The following LRRN1 variants were observed in gnomAD, a reference collection of about 807,000 sequenced individuals.
LRRN1 encodes leucine-rich repeat neuronal protein 1.
Under a neutral mutation model 45.8 loss-of-function variants are expected in LRRN1, and 14 were observed. The ratio of observed to expected loss-of-function variants is 0.31; its 90% CI spans 0.20 to 0.48. LRRN1 has a LOEUF of 0.48. Among genes scored for constraint, LRRN1 ranks in the 20% least tolerant of loss-of-function variants. The pLI is 0.99. For synonymous variants in LRRN1, 359 were observed against 330.1 expected (o/e 1.09, Z -0.95); for missense variants, 789 against 874.2 (o/e 0.90, Z 1.23).
rs767984661 is a variant in LRRN1, at chr3:3,846,604, A to G, written c.1963A>G (p.Arg655Gly). ...GTCCATTGCTGTGTACTTTGCCAAA[A>G]GATTTAAGAGAAAAAACTACCACCA... ...LASIAVYFAK[R>G]FKRKNYHHSL... is the part of the protein sequence containing the mutation. The change falls in exon 2 of 2, where the codon AGA becomes GGA. Residue 655 changes from arginine to glycine, a missense_variant. By Grantham distance (125) the Arg-to-Gly change is moderately radical (BLOSUM62 -2). Transcript: ENST00000319331. This position sits in a 1 kb window ranked among gnomAD's most constrained non-coding sequence, Gnocchi z 5.7. The G allele has an allele frequency of 1.9e-6, 3 of 1,614,024 alleles. No homozygotes were observed. The highest frequency in any genetic ancestry group is 3.3e-5 in the Admixed American group (2 of 59,970).
Position 3,832,745 on chromosome 3 carries a change from A to G in LRRN1, c.-278-11619A>G, listed in dbSNP as rs1575294814. ...TCCATAAACTGGCTCCAGTCTGGAA[A>G]TTGAGCGGTCATGATTCTCTGTTTT... On this transcript the variant is annotated intron_variant, in intron 1 of 1. Coordinates refer to ENST00000319331, the MANE Select transcript of LRRN1 (RefSeq NM_020873.7). Among the ~76,000 whole-genome samples, 4 of 152,194 alleles carry G rather than the reference A, an allele frequency of 2.6e-5. No homozygotes were observed. In the South Asian group the frequency reaches 8.3e-4, roughly 32 times the overall value.
At chr3:3,833,979 T>C (rs1693428035) in intron 1 of LRRN1, among the ~76,000 whole-genome samples, 1 of 152,144 alleles carries the variant, frequency 6.6e-6, no homozygotes, top group South Asian at 2.1e-4. Context: ...CATGCACCTT[T>C]CATTGCAGGT....
chr3:3,821,084 G>A (rs1328898548), intron 1 of LRRN1, among the ~76,000 whole-genome samples: 5 of 152,302 alleles, frequency 3.3e-5, no homozygotes, highest in Admixed American at 1.3e-4. Context: ...CCCCATCCCA[G>A]ACTTACTGAA....
chr3:3,820,510 G>A (rs929281199), intron 1 of LRRN1, among the ~76,000 whole-genome samples: 1 of 152,156 alleles, frequency 6.6e-6, no homozygotes, highest in African/African-American at 2.4e-5. Flanking sequence ...TAAATAAGGA[G>A]AGCAATGGTG....
rs557887328 is a variant in LRRN1, at chr3:3,809,320, T to A, written c.-279+9401T>A. 4.6e-5 allele frequency among the ~76,000 whole-genome samples: 7 copies of A among 152,226 alleles called. No individual in the cohort carries two copies. In the South Asian group the frequency reaches 1.5e-3, roughly 32 times the overall value. ...CACCATGCCCAGCTAATTTTTGTAT[T>A]TTTAGTAGAGACAGGGTTTCACCAT... On this transcript the variant is annotated intron_variant, in intron 1 of 1. Coordinates refer to ENST00000319331, the MANE Select transcript of LRRN1 (RefSeq NM_020873.7).
rs532423067 is a variant in LRRN1, at chr3:3,842,887, A to G, written c.-278-1477A>G. ...AGAAAAAATGGAACCACTAACTACT[A>G]ATATTATCTTTGCCAGCAGGTGAGC... On this transcript the variant is annotated intron_variant, in intron 1 of 1. Coordinates refer to ENST00000319331, the MANE Select transcript of LRRN1 (RefSeq NM_020873.7). Among the ~76,000 whole-genome samples, 7 of 152,306 alleles carry G rather than the reference A, an allele frequency of 4.6e-5. No homozygotes were observed. The South Asian group carries it at 1.4e-3, about 32-fold the overall frequency.
At chr3:3,830,964 C>T in intron 1 of LRRN1, among the ~76,000 whole-genome samples, 1 of 152,320 alleles carries the variant, frequency 6.6e-6, no homozygotes, top group Admixed American at 6.5e-5. Flanking sequence ...GAGGCCTCCA[C>T]TGTGATTCAT....
chr3:3,801,294 T>A (rs1692647623), intron 1 of LRRN1: 1 of 152,212 alleles, frequency 6.6e-6, no homozygotes. Context: ...AAAGTGGAAT[T>A]CTAATTGGGT....
At position 3,826,903 on chromosome 3, in the gene LRRN1, TTC is replaced by T. The variant is rs1427598976; in HGVS notation, c.-278-17455_-278-17454del. ...TCCTCAATACAAAATTTACTGTAAT[TTC>T]TCTCTTTGACCCCCCTGTACTGGCT... On this transcript the variant is annotated intron_variant, in intron 1 of 1. Transcript: ENST00000319331. 2.0e-5 allele frequency among the ~76,000 whole-genome samples: 3 copies of T among 152,132 alleles called. 1 individual carries two copies. The highest frequency in any genetic ancestry group is 1.3e-4 in the Admixed American group (2 of 15,262).
Position 3,846,937 on chromosome 3 carries a change from T to C in LRRN1, c.*145T>C. On this transcript the variant is annotated 3_prime_UTR_variant, in exon 2 of 2. Transcript: ENST00000319331. The surrounding 1 kb of genome is among the most constrained non-coding windows in gnomAD (Gnocchi z 5.7). ...AGAGGACGGGTGGATATTTCAAATTTTTTTAGTATAGCGTATCGCAAGGGT... is the reference window on the plus strand; with the variant it reads ...AGAGGACGGGTGGATATTTCAAATTCTTTTAGTATAGCGTATCGCAAGGGT... The C allele has an allele frequency of 1.5e-6, 1 of 665,022 alleles. No individual in the cohort carries two copies. The highest frequency in any genetic ancestry group is 3.3e-5 in the Admixed American group (1 of 30,452). 41.2% of individuals were successfully genotyped at this position (665,022 alleles called of 1,614,324 possible). A position where few individuals can be genotyped will look rare whatever the true frequency, so the allele number is the denominator to read the frequency against.
chr3:3,817,036 C>T (rs931335072), intron 1 of LRRN1, among the ~76,000 whole-genome samples: 9 of 152,100 alleles, frequency 5.9e-5, no homozygotes, highest in East Asian at 1.9e-4. Context: ...TTATGGAGGC[C>T]GAGAAGCCCC....
At position 3,799,828 on chromosome 3, in the gene LRRN1, T is replaced by G. The variant is rs1181362464; in HGVS notation, c.-370T>G. The G allele has an allele frequency of 6.1e-6, 1 of 163,650 alleles. No individual in the cohort carries two copies. Among genetic ancestry groups the G allele is most frequent in the Non-Finnish European group, 1.3e-5 (1 of 75,994 alleles). The allele number at this position is 163,650 out of a possible 1,614,324, so 10.1% of individuals were successfully genotyped here. ...CAGCTAGTCCTCCTCCTCCTCCTCG[T>G]CTTTCTCCTCCTCCTGCTGCTGCTG... On this transcript the variant is annotated 5_prime_UTR_variant, in exon 1 of 2. Transcript: ENST00000319331.
intron 1 of LRRN1, among the ~76,000 whole-genome samples, chr3:3,843,578 C>G (rs146290529): frequency 6.6e-6 from 1 of 151,824 alleles, no homozygotes; most frequent in Non-Finnish European, 1.5e-5. Context: ...TACCCCCCCC[C>G]ATACCCCTGG....
chr3:3,846,334 A>C lies in LRRN1; in HGVS notation c.1693A>C (p.Asn565His). The C allele has an allele frequency of 6.2e-7, 1 of 1,613,930 alleles. No individual in the cohort carries two copies. Among genetic ancestry groups the C allele is most frequent in the Non-Finnish European group, 8.5e-7 (1 of 1,180,014 alleles). The change falls in exon 2 of 2, where the codon AAC becomes CAC. Residue 565 changes from asparagine to histidine, a missense_variant. Coordinates refer to ENST00000319331, the MANE Select transcript of LRRN1 (RefSeq NM_020873.7). This position sits in a 1 kb window ranked among gnomAD's most constrained non-coding sequence, Gnocchi z 5.7. ...GTCGTCTGCCACCATGAAGATTGAT[A>C]ACCCTCACATAACATATACTGCCAG... ...KWSSATMKID[N>H]PHITYTARVP...
intron 1 of LRRN1, among the ~76,000 whole-genome samples, chr3:3,825,049 C>G (rs1307457474): frequency 2.0e-5 from 3 of 152,210 alleles, no homozygotes; most frequent in Non-Finnish European, 4.4e-5. Flanking sequence ...CCCTAGGGCT[C>G]TTTCATAGAC....
In LRRN1 at chr3:3,816,953, GTGAT is replaced by G. The variant is rs772456369; in HGVS notation, c.-279+17051_-279+17054del. 3.5e-4 allele frequency among the ~76,000 whole-genome samples: 54 copies of G among 152,256 alleles called. No homozygotes were observed. Among genetic ancestry groups the G allele is most frequent in the Admixed American group, 8.5e-4 (13 of 15,290 alleles). On this transcript the variant is annotated intron_variant, in intron 1 of 1. Transcript: ENST00000319331. The surrounding 1 kb of genome is among the most constrained non-coding windows in gnomAD (Gnocchi z 4.0). ...CAGAGAAAGAGAATGAATAGGATGG[GTGAT>G]TGATTGATTGATTGATAAGATAGAT...
In LRRN1 at chr3:3,844,879, C is replaced by G; in HGVS notation, c.238C>G (p.Gln80Glu). The G allele has an allele frequency of 6.2e-7, 1 of 1,614,148 alleles. No homozygotes were observed. Among genetic ancestry groups the G allele is most frequent in the Non-Finnish European group, 8.5e-7 (1 of 1,180,016 alleles). The change falls in exon 2 of 2, where the codon CAG becomes GAG. Residue 80 changes from glutamine (Q) to glutamate (E), a missense_variant. Transcript: ENST00000319331. ...TAGTGACACACAAGTGCTTCTCTTACAGAGCAATAACATCGCAAAGACTGT... is the reference window on the plus strand; with the variant it reads ...TAGTGACACACAAGTGCTTCTCTTAGAGAGCAATAACATCGCAAAGACTGT... ...LSSDTQVLLL[Q>E]SNNIAKTVDE...
intron 1 of LRRN1, among the ~76,000 whole-genome samples, chr3:3,815,006 T>C (rs1205605429): frequency 6.6e-6 from 1 of 152,210 alleles, no homozygotes; most frequent in Non-Finnish European, 1.5e-5. Context: ...ATGTACCATC[T>C]GTTTTCTTCT....
chr3:3,808,481 C>T (rs571041504), intron 1 of LRRN1, among the ~76,000 whole-genome samples: 1 of 152,330 alleles, frequency 6.6e-6, no homozygotes, highest in Admixed American at 6.5e-5. Flanking sequence ...AATGGGTACA[C>T]ATCTGTTTTA....
Sources: gnomAD v4.1 joint callset for allele counts (sites outside exome capture counted in the v4.1 genomes callset) on GRCh38, gnomAD v4.1.1 for gene constraint, Gnocchi (gnomAD v3.1) non-coding constraint, MANE v1.5 for transcripts, NCBI Gene and HGNC (gene_info 2026-07-23, HGNC 2026-07-21) for gene names.